Variants in OBI1 observed in about 807,000 individuals in gnomAD.
OBI1 encodes the protein ring finger protein 219.
A neutral mutation model predicts 62.4 loss-of-function variants in OBI1; 59 were observed. The observed-to-expected ratio is 0.95, with a 90% CI of 0.77 to 1.17. The LOEUF (loss-of-function observed/expected upper bound fraction) is 1.17. Ranked by LOEUF, OBI1 falls within the 50% of genes most tolerant of loss-of-function variation. The pLI is 0.00. For missense variants in OBI1, 875 were observed against 830.9 expected (o/e 1.05, Z -0.65); for synonymous variants, 302 against 292.8 (o/e 1.03, Z -0.32).
intron 5 of OBI1, 86 bp from the exon 6 acceptor site, chr13:78,617,208 C>T (rs1875340283): frequency 9.9e-7 from 1 of 1,005,736 alleles, no homozygotes; most frequent in Non-Finnish European, 1.4e-6. Flanking sequence ...CCAGGCTATT[C>T]TAATTTCACC....
At chr13:78,635,668 C>T (rs1171164643) in intron 4 of OBI1, among the ~76,000 whole-genome samples, 1 of 152,094 alleles carries the variant, frequency 6.6e-6, no homozygotes, top group Non-Finnish European at 1.5e-5. Flanking sequence ...GATTTAACCA[C>T]TTGATTTTTT....
intron 2 of OBI1, among the ~76,000 whole-genome samples, chr13:78,642,921 G>A (rs1042304412): frequency 1.6e-4 from 24 of 152,082 alleles, no homozygotes; most frequent in Admixed American, 4.6e-4. Flanking sequence ...ATATACCTAT[G>A]TATATAGATT....
chr13:78,616,592 C>T lies in OBI1; in HGVS notation c.1169G>A (p.Cys390Tyr). Residue 390 changes from cysteine (C) to tyrosine (Y), a missense_variant, in exon 6 of 6, where the codon TGT becomes TAT. Coordinates refer to ENST00000282003, the MANE Select transcript of OBI1 (RefSeq NM_024546.4). ...DEELYDLPAP[C>Y]TPLSLSCLQL... Reference sequence around the variant, plus strand: ...AAGGCAACTAAGGGACAAAGGAGTACAAGGAGCTGGAAGATCATAAAGTTC... The same window carrying T: ...AAGGCAACTAAGGGACAAAGGAGTATAAGGAGCTGGAAGATCATAAAGTTC... 1.2e-6 allele frequency: 2 copies of T among 1,614,098 alleles called. No homozygotes were observed. Among genetic ancestry groups the T allele is most frequent in the Non-Finnish European group, 1.7e-6 (2 of 1,180,018 alleles).
Position 78,616,387 on chromosome 13 carries a change from A to G in OBI1, c.1374T>C (p.Cys458=). 5.0e-6 allele frequency: 8 copies of G among 1,613,214 alleles called. No homozygotes were observed. Among genetic ancestry groups the G allele is most frequent in the Non-Finnish European group, 5.9e-6 (7 of 1,179,590 alleles). Residue 458 remains cysteine (C), a synonymous_variant, in exon 6 of 6, where the codon TGT becomes TGC. Transcript: ENST00000282003. ...AAAATCCTGTCTTTGGGGAAGAAAA[A>G]CATTCTGATTTCTTTTCATTTTCAC... The part of the protein sequence containing the change: ...SRSENEKKSE[C]FSSPKTGFWD...
At chr13:78,619,139 G>A (rs1178755280) in intron 5 of OBI1, among the ~76,000 whole-genome samples, 1 of 151,970 alleles carries the variant, frequency 6.6e-6, no homozygotes, top group African/African-American at 2.4e-5. Flanking sequence ...ATCAAATAAT[G>A]CTACTACATA....
intron 4 of OBI1, among the ~76,000 whole-genome samples, chr13:78,637,409 T>C (rs936774948): frequency 2.0e-5 from 3 of 152,226 alleles, no homozygotes. Flanking sequence ...AATTTAACAT[T>C]TGACCATTAA....
chr13:78,641,860 C>T (rs1461726168), intron 3 of OBI1, among the ~76,000 whole-genome samples: 1 of 149,956 alleles, frequency 6.7e-6, no homozygotes, highest in Non-Finnish European at 1.5e-5. Flanking sequence ...GAAAGAAATG[C>T]TTCCATCTGT....
At chr13:78,636,142 G>A (rs188203988) in intron 4 of OBI1, among the ~76,000 whole-genome samples, 1 of 152,078 alleles carries the variant, frequency 6.6e-6, no homozygotes, top group East Asian at 1.9e-4. Flanking sequence ...TTTCTTTCTT[G>A]AATTGTATAA....
intron 1 of OBI1, among the ~76,000 whole-genome samples, chr13:78,657,666 C>T (rs1053881080): frequency 1.8e-4 from 27 of 152,266 alleles, no homozygotes; most frequent in African/African-American, 6.5e-4. Flanking sequence ...AAAAGACAGC[C>T]TATAACTAAT....
chr13:78,617,658 C>G (rs1237503893), intron 5 of OBI1, among the ~76,000 whole-genome samples: 1 of 152,090 alleles, frequency 6.6e-6, no homozygotes, highest in African/African-American at 2.4e-5. Flanking sequence ...CTTATTTGGG[C>G]CCTTTCAATT....
intron 5 of OBI1, among the ~76,000 whole-genome samples, chr13:78,632,623 T>C (rs1875887825): frequency 6.6e-6 from 1 of 152,184 alleles, no homozygotes; most frequent in Non-Finnish European, 1.5e-5. Context: ...TTTATTTGCT[T>C]GCATTTATTT....
chr13:78,629,636 C>G (rs1875785859), intron 5 of OBI1, among the ~76,000 whole-genome samples: 1 of 152,130 alleles, frequency 6.6e-6, no homozygotes. Context: ...TAGCTTGGCA[C>G]AGTTTAGGAG....
chr13:78,659,061 A>T lies in OBI1; in HGVS notation c.60T>A (p.Ile20=), dbSNP rs1378394863. The T allele has an allele frequency of 6.2e-7, 1 of 1,612,762 alleles. No individual in the cohort carries two copies. Among genetic ancestry groups the T allele is most frequent in the Non-Finnish European group, 8.5e-7 (1 of 1,179,610 alleles). The part of the protein sequence containing the change: ...LSLTLPITCH[I]CLGKVRQPVI... The stretch of plus-strand genomic sequence containing the variant: ...AATCACCCATTACCTTCCCCAAGCA[A>T]ATGTGGCACGTGATGGGCAGAGTGA... The change falls in exon 1 of 6, where the codon ATT becomes ATA. Residue 20 remains isoleucine, a synonymous_variant. Transcript: ENST00000282003.
At chr13:78,649,534 A>ATCTTC (rs1566286657) in intron 1 of OBI1, among the ~76,000 whole-genome samples, 3 of 152,230 alleles carry the variant, frequency 2.0e-5, no homozygotes, top group Non-Finnish European at 4.4e-5. Context: ...GTTGAGAGAC[A>ATCTTC]ATGAAAGATG....
chr13:78,619,025 A>G (rs1875420558), intron 5 of OBI1, among the ~76,000 whole-genome samples: 1 of 152,216 alleles, frequency 6.6e-6, no homozygotes, highest in Non-Finnish European at 1.5e-5. Flanking sequence ...AATGCCAATA[A>G]GCAAAAGTGA....
At chr13:78,623,270 T>TA (rs34129925) in intron 5 of OBI1, among the ~76,000 whole-genome samples, 56,293 of 136,032 alleles carry the variant, frequency 0.41, 11,679 homozygotes, top group African/African-American at 0.53. Context: ...AGAGAACATT[T>TA]AAAAAAAAAA....
In OBI1 at chr13:78,659,106, CACGGT is replaced by C; in HGVS notation, c.10_14del (p.Thr4AlafsTer38). On this transcript the variant is annotated frameshift_variant, in exon 1 of 6. Transcript: ENST00000282003. LOFTEE classifies it high-confidence loss of function. Reference sequence around the variant, plus strand: ...GAGTGAGCGACAATGTAACATTCTGCACGGTCTGAGCCATGGCAGCGTTCAGAATC... The same window carrying C: ...GAGTGAGCGACAATGTAACATTCTGCCTGAGCCATGGCAGCGTTCAGAATC... 1 of 1,612,112 alleles carries C rather than the reference CACGGT, an allele frequency of 6.2e-7. No homozygotes were observed. The highest frequency in any genetic ancestry group is 8.5e-7 in the Non-Finnish European group (1 of 1,179,452).
chr13:78,653,502 G>C (rs899931688), intron 1 of OBI1, among the ~76,000 whole-genome samples: 3 of 152,232 alleles, frequency 2.0e-5, no homozygotes, highest in Non-Finnish European at 2.9e-5. Flanking sequence ...ATAAATGGTA[G>C]AGCTAGCATT....
At chr13:78,640,035 C>CA (rs1416905188) in intron 3 of OBI1, among the ~76,000 whole-genome samples, 8 of 151,260 alleles carry the variant, frequency 5.3e-5, no homozygotes, top group Non-Finnish European at 8.8e-5. Flanking sequence ...AACAAACAAA[C>CA]AAAAAAAAGA....
Sources: allele counts gnomAD v4.1 joint callset (sites outside exome capture counted in the v4.1 genomes callset), GRCh38; gene constraint gnomAD v4.1.1; transcripts MANE v1.5; gene names NCBI Gene and HGNC (gene_info 2026-07-23, HGNC 2026-07-21).